ARHGAP26: variants seen among roughly 807,000 people sequenced by gnomAD.
ARHGAP26 encodes the protein Rho GTPase activating protein 26, also known as rho GTPase-activating protein 26.
Under a neutral mutation model 104.8 loss-of-function variants are expected in ARHGAP26, and 38 were observed. The ratio of observed to expected loss-of-function variants is 0.36; its 90% CI spans 0.28 to 0.48. The LOEUF is 0.48. ARHGAP26 is among the 20% of genes least tolerant of loss of function. ARHGAP26 has a pLI of 0.99. For missense variants in ARHGAP26, 704 were observed against 947.9 expected (o/e 0.74, Z 3.38); for synonymous variants, 341 against 340.0 (o/e 1.00, Z -0.03).
At chr5:142,790,387 C>T (rs1257180712) in intron 1 of ARHGAP26, among the ~76,000 whole-genome samples, 2 of 152,178 alleles carry the variant, frequency 1.3e-5, no homozygotes, top group East Asian at 3.8e-4. Flanking sequence ...CATCGTATTT[C>T]TCCTGTTTTT....
In ARHGAP26 at chr5:143,190,027, AGGG is replaced by A. The variant is rs10597676; in HGVS notation, c.1989-17165_1989-17163del. Among the ~76,000 whole-genome samples, 685 of 145,636 alleles carry A rather than the reference AGGG, an allele frequency of 4.7e-3. 3 individuals carry two copies. The highest frequency in any genetic ancestry group is 0.016 in the African/African-American group (647 of 39,760). The stretch of plus-strand genomic sequence containing the variant: ...TACTACATCTTTGGAGGACAGAAGG[AGGG>A]GGGGGAAAAAAAAAAAAAGACCTGG... On this transcript the variant is annotated intron_variant, in intron 20 of 22. Transcript: ENST00000645722.
chr5:142,990,964 G>A (rs1456022117), intron 11 of ARHGAP26, among the ~76,000 whole-genome samples: 1 of 152,128 alleles, frequency 6.6e-6, no homozygotes, highest in African/African-American at 2.4e-5. Flanking sequence ...ACTCCGTGTT[G>A]GGAGAACCAC....
At chr5:142,840,461 A>T (rs1265389197) in intron 1 of ARHGAP26, among the ~76,000 whole-genome samples, 1 of 152,184 alleles carries the variant, frequency 6.6e-6, no homozygotes, top group African/African-American at 2.4e-5. Context: ...ACTATTGTTA[A>T]ATAGGGCCTA....
At chr5:143,004,072 C>CA (rs1361325053) in intron 11 of ARHGAP26, among the ~76,000 whole-genome samples, 2 of 140,862 alleles carry the variant, frequency 1.4e-5, no homozygotes, top group East Asian at 4.4e-4. Context: ...AAGTAAGGTA[C>CA]AAAAACAACT....
intron 10 of ARHGAP26, among the ~76,000 whole-genome samples, chr5:142,930,158 G>T (rs1056358140): frequency 6.6e-6 from 1 of 152,216 alleles, no homozygotes; most frequent in Non-Finnish European, 1.5e-5. Context: ...CAAAACCGGG[G>T]ACTTGAGAGT....
chr5:142,963,188 A>ATATATATATATATATG (rs1562164689), intron 11 of ARHGAP26, among the ~76,000 whole-genome samples: 9 of 109,772 alleles, frequency 8.2e-5, no homozygotes, highest in East Asian at 2.8e-4. Flanking sequence ...ATATATATAT[A>ATATATATATATATATG]TATATATATA....
chr5:143,209,909 G>T (rs258815), intron 21 of ARHGAP26, among the ~76,000 whole-genome samples: 41 of 152,006 alleles, frequency 2.7e-4, no homozygotes, highest in Non-Finnish European at 4.4e-4. Flanking sequence ...ACACTGTAGT[G>T]TATAGCAAAG....
At chr5:142,786,246 T>C (rs1321639523) in intron 1 of ARHGAP26, among the ~76,000 whole-genome samples, 1 of 151,514 alleles carries the variant, frequency 6.6e-6, no homozygotes, top group Non-Finnish European at 1.5e-5. Context: ...CCTCCCAAAG[T>C]GCTGGGATTA....
At chr5:143,063,777 A>G (rs1298212917) in intron 17 of ARHGAP26, among the ~76,000 whole-genome samples, 2 of 152,156 alleles carry the variant, frequency 1.3e-5, no homozygotes, top group Non-Finnish European at 2.9e-5. Context: ...TCAAATGTCA[A>G]TGTCACTGCC....
At chr5:142,886,004 A>G (rs6886351) in intron 5 of ARHGAP26, among the ~76,000 whole-genome samples, 20,352 of 152,082 alleles carry the variant, frequency 0.13, 2,821 homozygotes, top group African/African-American at 0.35. Flanking sequence ...AAAGTAGTTC[A>G]CTTGGAAAGA....
intron 1 of ARHGAP26, among the ~76,000 whole-genome samples, chr5:142,802,354 G>A (rs943881244): frequency 6.6e-6 from 1 of 152,134 alleles, no homozygotes; most frequent in South Asian, 2.1e-4. Flanking sequence ...AGGTCCATGC[G>A]AAGTCAATTT....
intron 11 of ARHGAP26, among the ~76,000 whole-genome samples, chr5:142,960,209 G>T (rs1250577109): frequency 2.6e-5 from 4 of 152,240 alleles, no homozygotes; most frequent in African/African-American, 7.2e-5. Flanking sequence ...ACATACTTCT[G>T]TCCTTCCCCT....
At chr5:142,989,566 A>G (rs1402187290) in intron 11 of ARHGAP26, among the ~76,000 whole-genome samples, 3 of 152,190 alleles carry the variant, frequency 2.0e-5, no homozygotes, top group Non-Finnish European at 4.4e-5. Context: ...GTTTCTTCCT[A>G]GCATCAATGG....
intron 14 of ARHGAP26, among the ~76,000 whole-genome samples, chr5:143,046,380 A>T (rs922407003): frequency 6.6e-6 from 1 of 152,184 alleles, no homozygotes; most frequent in Non-Finnish European, 1.5e-5. Context: ...TGTACTCTTA[A>T]TACATTGGAG....
chr5:143,173,649 G>A (rs1200556164), intron 20 of ARHGAP26, among the ~76,000 whole-genome samples: 1 of 152,170 alleles, frequency 6.6e-6, no homozygotes, highest in Non-Finnish European at 1.5e-5. Context: ...GCCTCAGAAA[G>A]GTTAAGTAAC....
chr5:142,930,881 A>C (rs1375359795), intron 10 of ARHGAP26, among the ~76,000 whole-genome samples: 1 of 152,234 alleles, frequency 6.6e-6, no homozygotes, highest in Admixed American at 6.5e-5. Context: ...ATAAGCCAGA[A>C]GCAGAGATGA....
At chr5:143,108,699 A>C (rs1794386940) in intron 17 of ARHGAP26, among the ~76,000 whole-genome samples, 1 of 152,198 alleles carries the variant, frequency 6.6e-6, no homozygotes, top group Admixed American at 6.5e-5. Flanking sequence ...AAATCCCCAC[A>C]AAAGGAGATA....
At chr5:143,058,058 A>C in intron 17 of ARHGAP26, 1 of 564,982 alleles carries the variant, frequency 1.8e-6, no homozygotes, top group South Asian at 1.6e-5. Flanking sequence ...GTCACCACAC[A>C]GAATTTTGTG....
chr5:143,205,667 A>G (rs1475013611), intron 20 of ARHGAP26, among the ~76,000 whole-genome samples: 7 of 152,360 alleles, frequency 4.6e-5, no homozygotes, highest in African/African-American at 1.4e-4. Flanking sequence ...GCTTAGAATC[A>G]GCAGATGAGG....
Sources: allele counts gnomAD v4.1 joint callset (sites outside exome capture counted in the v4.1 genomes callset), GRCh38; gene constraint gnomAD v4.1.1; transcripts MANE v1.5; gene names NCBI Gene and HGNC (gene_info 2026-07-23, HGNC 2026-07-21).